MMP16: variants seen among roughly 807,000 people sequenced by gnomAD.
MMP16 encodes the protein matrix metalloproteinase-16.
In MMP16, 12 loss-of-function variants were observed where a neutral mutation model predicts 67.8. The observed-to-expected ratio is 0.18, with a 90% CI of 0.11 to 0.29. The LOEUF (loss-of-function observed/expected upper bound fraction) is 0.29, where lower values mean the gene tolerates loss of function less well. Ranked by LOEUF, MMP16 falls within the 10% of genes least tolerant of loss-of-function variation. The pLI, the probability that MMP16 is intolerant of heterozygous loss-of-function variation, is 1.00. For missense variants in MMP16, 475 were observed against 765.7 expected (o/e 0.62, Z 4.48); for synonymous variants, 249 against 255.9 (o/e 0.97, Z 0.26).
chr8:88,300,479 C>T (rs1404705161), intron 1 of MMP16, among the ~76,000 whole-genome samples: 2 of 152,206 alleles, frequency 1.3e-5, no homozygotes, highest in African/African-American at 2.4e-5. Context: ...GCACAACCTG[C>T]TCTTGAGTCA....
Position 88,085,331 on chromosome 8 carries a change from C to G in MMP16, c.1084-10588G>C, listed in dbSNP as rs991604247. Among the ~76,000 whole-genome samples, 9 of 152,006 alleles carry G rather than the reference C, an allele frequency of 5.9e-5. 1 individual carries two copies. Among genetic ancestry groups the G allele is most frequent in the Admixed American group, 4.6e-4 (7 of 15,232 alleles). On this transcript the variant is annotated intron_variant, in intron 6 of 9. Coordinates refer to ENST00000286614, the MANE Select transcript of MMP16 (RefSeq NM_005941.5). ...AGTTTTCAATATTTTATAACAAGAGCTGACACAAGCTGGTTTTTGGTATAT... is the reference window on the plus strand; with the variant it reads ...AGTTTTCAATATTTTATAACAAGAGGTGACACAAGCTGGTTTTTGGTATAT...
chr8:88,222,325 T>A (rs976185400), intron 1 of MMP16, among the ~76,000 whole-genome samples: 1 of 152,000 alleles, frequency 6.6e-6, no homozygotes, highest in Non-Finnish European at 1.5e-5. Flanking sequence ...TGACTTTCTT[T>A]ACAGAATTGG....
intron 1 of MMP16, among the ~76,000 whole-genome samples, chr8:88,237,703 T>A (rs1453968829): frequency 2.0e-5 from 3 of 151,804 alleles, no homozygotes; most frequent in African/African-American, 7.3e-5. Context: ...GCATCTTGGG[T>A]ATGGCACGTA....
At chr8:88,227,644 G>C (rs1809791693) in intron 1 of MMP16, among the ~76,000 whole-genome samples, 2 of 151,960 alleles carry the variant, frequency 1.3e-5, no homozygotes, top group Non-Finnish European at 2.9e-5. Flanking sequence ...GCCCACTCTA[G>C]TATCCTTTTC....
intron 3 of MMP16, among the ~76,000 whole-genome samples, chr8:88,169,152 T>C (rs922295449): frequency 2.6e-5 from 4 of 152,208 alleles, no homozygotes; most frequent in Non-Finnish European, 5.9e-5. Flanking sequence ...ATGCATGTCA[T>C]TGTATAAATA....
At chr8:88,141,099 C>T (rs1211525979) in intron 4 of MMP16, among the ~76,000 whole-genome samples, 2 of 152,098 alleles carry the variant, frequency 1.3e-5, no homozygotes, top group Non-Finnish European at 1.5e-5. Context: ...ATACGCAAGT[C>T]GAAGGGAGAC....
intron 1 of MMP16, among the ~76,000 whole-genome samples, chr8:88,281,913 A>T (rs1180491305): frequency 6.6e-6 from 1 of 152,118 alleles, no homozygotes; most frequent in African/African-American, 2.4e-5. Flanking sequence ...CTATGTCCAC[A>T]AGCCCCATCC....
At chr8:88,276,823 A>C (rs1810656408) in intron 1 of MMP16, among the ~76,000 whole-genome samples, 1 of 152,130 alleles carries the variant, frequency 6.6e-6, no homozygotes, top group African/African-American at 2.4e-5. Context: ...TTAAATTAAT[A>C]AAATGGTGAT....
intron 8 of MMP16, among the ~76,000 whole-genome samples, 183 bp from the exon 9 acceptor site, chr8:88,046,967 T>C (rs1211313342): frequency 6.6e-6 from 1 of 152,154 alleles, no homozygotes; most frequent in African/African-American, 2.4e-5. Context: ...TAACTGAAAA[T>C]ACAATGGGCA....
At chr8:88,296,204 T>C (rs1811011362) in intron 1 of MMP16, among the ~76,000 whole-genome samples, 1 of 152,194 alleles carries the variant, frequency 6.6e-6, no homozygotes, top group African/African-American at 2.4e-5. Flanking sequence ...GATGTAAAGA[T>C]GGATAATAAT....
intron 1 of MMP16, among the ~76,000 whole-genome samples, chr8:88,273,616 G>C (rs1208883116): frequency 6.6e-6 from 1 of 152,080 alleles, no homozygotes; most frequent in Non-Finnish European, 1.5e-5. Context: ...GAAATCAACT[G>C]TCCATTTGTT....
chr8:88,092,629 T>C (rs1808957214), intron 6 of MMP16, among the ~76,000 whole-genome samples: 1 of 151,902 alleles, frequency 6.6e-6, no homozygotes, highest in African/African-American at 2.4e-5. Flanking sequence ...CTTATAAATA[T>C]TTATTGCATA....
chr8:88,215,658 T>C (rs551625076), intron 1 of MMP16, among the ~76,000 whole-genome samples: 1 of 152,182 alleles, frequency 6.6e-6, no homozygotes, highest in Non-Finnish European at 1.5e-5. Context: ...TGAAACTAAG[T>C]GACCTTCCCT....
At chr8:88,309,613 G>C in intron 1 of MMP16, among the ~76,000 whole-genome samples, 1 of 151,934 alleles carries the variant, frequency 6.6e-6, no homozygotes, top group East Asian at 1.9e-4. Flanking sequence ...TATAATAAAA[G>C]CCTCATTTTT....
At chr8:88,043,766 A>G (rs909444173) in intron 9 of MMP16, among the ~76,000 whole-genome samples, 1 of 152,230 alleles carries the variant, frequency 6.6e-6, no homozygotes, top group African/African-American at 2.4e-5. Flanking sequence ...GTATGTAGAT[A>G]CAAGTTTTTC....
chr8:88,113,927 GTC>G (rs1305177153), intron 6 of MMP16, among the ~76,000 whole-genome samples: 2 of 151,938 alleles, frequency 1.3e-5, no homozygotes, highest in African/African-American at 4.8e-5. Flanking sequence ...ATAGTTGAAA[GTC>G]TACTTTTCTT....
intron 1 of MMP16, among the ~76,000 whole-genome samples, chr8:88,280,415 G>A (rs968958388): frequency 3.9e-5 from 6 of 151,970 alleles, no homozygotes; most frequent in African/African-American, 1.4e-4. Context: ...ATGCTACTAT[G>A]ATCGAGAAAA....
intron 1 of MMP16, among the ~76,000 whole-genome samples, chr8:88,259,249 G>C (rs1810350548): frequency 6.6e-6 from 1 of 152,128 alleles, no homozygotes; most frequent in Non-Finnish European, 1.5e-5. Context: ...TCATGCCAAA[G>C]TCACAACTTT....
At chr8:88,270,914 T>C (rs1216403331) in intron 1 of MMP16, among the ~76,000 whole-genome samples, 1 of 152,222 alleles carries the variant, frequency 6.6e-6, no homozygotes, top group African/African-American at 2.4e-5. Flanking sequence ...CCAGCAACTA[T>C]TTGAAAATAT....
Sources: gnomAD v4.1 joint callset for allele counts (sites outside exome capture counted in the v4.1 genomes callset) on GRCh38, gnomAD v4.1.1 for gene constraint, MANE v1.5 for transcripts, NCBI Gene and HGNC (gene_info 2026-07-23, HGNC 2026-07-21) for gene names.